Variants in OPCML observed in about 807,000 individuals in gnomAD.
OPCML encodes opioid binding protein/cell adhesion molecule like.
Under a neutral mutation model 37.8 loss-of-function variants are expected in OPCML, and 13 were observed. The observed-to-expected ratio is 0.34, with a 90% CI of 0.22 to 0.55. The LOEUF (loss-of-function observed/expected upper bound fraction) is 0.55. Among genes scored for constraint, OPCML ranks in the 20% least tolerant of loss-of-function variants. The pLI is 0.91. For synonymous variants in OPCML, 176 were observed against 168.8 expected (o/e 1.04, Z -0.33); for missense variants, 341 against 435.6 (o/e 0.78, Z 1.93).
intron 2 of OPCML, among the ~76,000 whole-genome samples, chr11:132,720,627 A>C (rs2135978153): frequency 6.6e-6 from 1 of 152,224 alleles, no homozygotes; most frequent in Non-Finnish European, 1.5e-5. Context: ...CTCGCTATTT[A>C]CCCGGGAATT....
chr11:132,538,995 G>A (rs1264189024), intron 3 of OPCML, among the ~76,000 whole-genome samples: 1 of 152,178 alleles, frequency 6.6e-6, no homozygotes, highest in East Asian at 1.9e-4. Flanking sequence ...ATAAATGTAT[G>A]TCTGTGTTCC....
intron 6 of OPCML, 94 bp from the exon 7 acceptor site, chr11:132,436,331 T>C (rs1015594189): frequency 1.2e-6 from 2 of 1,603,174 alleles, no homozygotes; most frequent in African/African-American, 2.7e-5. Flanking sequence ...TCCTTCAAAC[T>C]CAAACCCTAA....
At chr11:132,916,553 G>A (rs1211145404) in intron 2 of OPCML, among the ~76,000 whole-genome samples, 1 of 152,184 alleles carries the variant, frequency 6.6e-6, no homozygotes, top group Non-Finnish European at 1.5e-5. Context: ...AACCTGGAAA[G>A]AAAGCAGAAT....
chr11:133,002,776 AG>A (rs1322163787), intron 1 of OPCML, among the ~76,000 whole-genome samples: 1 of 39,856 alleles, frequency 2.5e-5, no homozygotes, highest in Non-Finnish European at 3.8e-5. Context: ...CAAAGGAAAG[AG>A]AGGGGGGGGT....
intron 1 of OPCML, among the ~76,000 whole-genome samples, chr11:133,314,030 T>C (rs1237069407): frequency 2.6e-5 from 4 of 151,262 alleles, no homozygotes; most frequent in Non-Finnish European, 5.9e-5. Flanking sequence ...GGTCAGGAGA[T>C]CGAGACCATC....
At chr11:132,902,480 C>G (rs777858147) in intron 2 of OPCML, among the ~76,000 whole-genome samples, 2 of 152,058 alleles carry the variant, frequency 1.3e-5, no homozygotes, top group Non-Finnish European at 2.9e-5. Flanking sequence ...GCACATTGCC[C>G]CAACCAAAGG....
At chr11:133,403,042 A>G (rs1310951713) in intron 1 of OPCML, among the ~76,000 whole-genome samples, 1 of 152,022 alleles carries the variant, frequency 6.6e-6, no homozygotes, top group Admixed American at 6.6e-5. Flanking sequence ...CTTCTTTACC[A>G]CTACACTCTA....
intron 1 of OPCML, among the ~76,000 whole-genome samples, chr11:133,128,089 G>T (rs912760463): frequency 1.3e-5 from 2 of 152,042 alleles, no homozygotes; most frequent in Non-Finnish European, 2.9e-5. Context: ...CCTCCTTGCT[G>T]TCCTTAGTCC....
intron 1 of OPCML, among the ~76,000 whole-genome samples, chr11:133,511,666 C>G (rs909762456): frequency 3.9e-5 from 6 of 152,056 alleles, no homozygotes; most frequent in Non-Finnish European, 5.9e-5. Flanking sequence ...TTGCGACTCT[C>G]TTCCCCATAA....
intron 1 of OPCML, among the ~76,000 whole-genome samples, chr11:133,238,702 T>C (rs929090690): frequency 4.6e-5 from 7 of 152,038 alleles, no homozygotes; most frequent in Non-Finnish European, 1.0e-4. Context: ...TGTCTCCGAG[T>C]CATAAAGCAA....
At chr11:132,481,308 A>C (rs1169107884) in intron 4 of OPCML, among the ~76,000 whole-genome samples, 1 of 152,156 alleles carries the variant, frequency 6.6e-6, no homozygotes, top group African/African-American at 2.4e-5. Flanking sequence ...AACAAAGATC[A>C]AAAGAGACAA....
chr11:132,758,118 G>T (rs780373428), intron 2 of OPCML, among the ~76,000 whole-genome samples: 56 of 152,130 alleles, frequency 3.7e-4, no homozygotes, highest in Non-Finnish European at 7.8e-4. Context: ...TGGCTGTGTG[G>T]TGTTATTTCT....
chr11:132,438,858 G>A (rs936760180), intron 4 of OPCML, among the ~76,000 whole-genome samples: 2 of 152,004 alleles, frequency 1.3e-5, no homozygotes, highest in Non-Finnish European at 2.9e-5. Context: ...AGCCTTGGGG[G>A]CTTCCACCAC....
At chr11:132,727,527 C>G (rs910366119) in intron 2 of OPCML, among the ~76,000 whole-genome samples, 3 of 152,196 alleles carry the variant, frequency 2.0e-5, no homozygotes, top group African/African-American at 7.2e-5. Context: ...CCCAGCTGCT[C>G]TCCTGGCACA....
intron 3 of OPCML, among the ~76,000 whole-genome samples, chr11:132,613,699 A>G (rs1392518018): frequency 2.0e-5 from 3 of 152,206 alleles, no homozygotes; most frequent in Non-Finnish European, 4.4e-5. Context: ...AACACCTTGC[A>G]CTGAATTTAG....
chr11:133,353,067 T>G (rs77827835), intron 1 of OPCML, among the ~76,000 whole-genome samples: 4,192 of 152,334 alleles, frequency 0.028, 81 homozygotes, highest in South Asian at 0.043. Flanking sequence ...ATTAAAATTT[T>G]TTCAAAGGTT....
At chr11:132,730,396 A>G (rs1379854501) in intron 2 of OPCML, among the ~76,000 whole-genome samples, 3 of 152,234 alleles carry the variant, frequency 2.0e-5, no homozygotes, top group Admixed American at 1.3e-4. Context: ...ATAAAAAGGC[A>G]TAATTGGCTA....
intron 1 of OPCML, among the ~76,000 whole-genome samples, chr11:133,311,337 C>T (rs1943063214): frequency 6.6e-6 from 1 of 152,206 alleles, no homozygotes; most frequent in Admixed American, 6.5e-5. Context: ...GCAGAACACA[C>T]TTATTCTTCT....
chr11:132,638,701 T>C (rs979331759), intron 3 of OPCML, among the ~76,000 whole-genome samples: 9 of 152,266 alleles, frequency 5.9e-5, no homozygotes, highest in African/African-American at 1.9e-4. Context: ...CAACAGGCCC[T>C]GTGACCCCAC....
Sources: gnomAD v4.1 joint callset for allele counts (sites outside exome capture counted in the v4.1 genomes callset) on GRCh38, gnomAD v4.1.1 for gene constraint, MANE v1.5 for transcripts, NCBI Gene and HGNC (gene_info 2026-07-23, HGNC 2026-07-21) for gene names.